USP34: variants seen among roughly 807,000 people sequenced by gnomAD.
USP34 encodes the protein ubiquitin carboxyl-terminal hydrolase 34.
USP34 carries 70 observed loss-of-function variants against 460.3 expected under a neutral mutation model. The ratio of observed to expected loss-of-function variants is 0.15; its 90% CI spans 0.13 to 0.19. The LOEUF (loss-of-function observed/expected upper bound fraction) is 0.19. USP34 is among the 10% of genes least tolerant of loss of function. USP34 has a pLI of 1.00. For missense variants in USP34, 3,985 were observed against 4,236.2 expected, an observed-to-expected ratio of 0.94 and a Z score of 1.65; for synonymous variants, 1,647 against 1,405.3, an observed-to-expected ratio of 1.17 and a Z score of -3.85.
chr2:61,241,590 G>A lies in USP34; in HGVS notation c.6747C>T (p.Tyr2249=). 6.2e-7 allele frequency: 1 copy of A among 1,610,072 alleles called. No homozygotes were observed. The highest frequency in any genetic ancestry group is 8.5e-7 in the Non-Finnish European group (1 of 1,178,772). Residue 2249 remains tyrosine (Y), a synonymous_variant, in exon 53 of 80, where the codon TAC becomes TAT. Coordinates refer to ENST00000398571, the MANE Select transcript of USP34 (RefSeq NM_014709.4). The part of the protein sequence containing the change: ...MEPEEENGRE[Y]KFDVSSELLE... ...GTAACTCTGACGAAACATCAAATTT[G>A]TATTCTCTGCCATTTTCTTCCTCTG...
chr2:61,259,671 C>A, intron 44 of USP34, 40 bp downstream of exon 44: 1 of 1,591,634 alleles, frequency 6.3e-7, no homozygotes, highest in Non-Finnish European at 8.6e-7. Context: ...CAGGCATGAG[C>A]CACAGTGCCT....
At chr2:61,253,525 A>C (rs182155068) in intron 48 of USP34, among the ~76,000 whole-genome samples, 2 of 152,292 alleles carry the variant, frequency 1.3e-5, no homozygotes, top group East Asian at 1.9e-4. Context: ...CAACTTGCCC[A>C]ACTACCCTTC....
intron 39 of USP34, among the ~76,000 whole-genome samples, chr2:61,278,723 T>C (rs1448683881): frequency 6.6e-6 from 1 of 152,046 alleles, no homozygotes; most frequent in Non-Finnish European, 1.5e-5. Flanking sequence ...ACATGGCACA[T>C]GTATACATAT....
intron 20 of USP34, among the ~76,000 whole-genome samples, chr2:61,326,758 A>G (rs979676461): frequency 4.0e-5 from 6 of 149,318 alleles, no homozygotes; most frequent in African/African-American, 1.5e-4. Context: ...ATAACCTAGC[A>G]TGCAGAAGGT....
intron 18 of USP34, among the ~76,000 whole-genome samples, chr2:61,338,662 G>C (rs992153692): frequency 1.3e-5 from 2 of 152,080 alleles, no homozygotes; most frequent in African/African-American, 4.8e-5. Flanking sequence ...AAGCAGTATA[G>C]GTCAAGGGAA....
At chr2:61,237,952 A>G (rs566681710) in intron 53 of USP34, among the ~76,000 whole-genome samples, 114 of 151,190 alleles carry the variant, frequency 7.5e-4, no homozygotes, top group African/African-American at 2.6e-3. Context: ...GCTGGAGTGC[A>G]ATGGCGCGAT....
chr2:61,288,808 C>A lies in USP34; in HGVS notation c.4618G>T (p.Asp1540Tyr). ...GCAAAGACATCATGATAAGCTAAAT[C>A]CAAATCGGATGGATCTACTGCAAAC... ...CQFAVDPSDL[D>Y]LAYHDVFAWS... The change falls in exon 34 of 80, where the codon GAT becomes TAT. Residue 1540 changes from aspartate to tyrosine, a missense_variant. This residue lies in a region of USP34 where 1,114 missense variants were observed against 1,122.5 expected (regional missense o/e 0.99). Transcript: ENST00000398571. 6.2e-7 allele frequency: 1 copy of A among 1,613,900 alleles called. No individual in the cohort carries two copies. The highest frequency in any genetic ancestry group is 1.1e-5 in the South Asian group (1 of 91,082).
intron 1 of USP34, among the ~76,000 whole-genome samples, chr2:61,456,897 G>C (rs191749237): frequency 6.6e-6 from 1 of 152,158 alleles, no homozygotes; most frequent in East Asian, 1.9e-4. Context: ...AGGATAGCTT[G>C]GCCCACCTGG....
intron 41 of USP34, among the ~76,000 whole-genome samples, chr2:61,268,643 G>A (rs751020577): frequency 2.7e-5 from 4 of 150,856 alleles, no homozygotes; most frequent in South Asian, 4.2e-4. Flanking sequence ...TAGATAATAG[G>A]GTAATTTTTG....
At chr2:61,399,982 C>T (rs1051213661) in intron 3 of USP34, among the ~76,000 whole-genome samples, 10 of 150,180 alleles carry the variant, frequency 6.7e-5, no homozygotes, top group Non-Finnish European at 1.5e-5. Flanking sequence ...TAAAGTCTTG[C>T]ATTTTTTTTC....
intron 16 of USP34, among the ~76,000 whole-genome samples, chr2:61,341,167 T>C (rs948854220): frequency 3.3e-5 from 5 of 152,230 alleles, no homozygotes; most frequent in Admixed American, 2.0e-4. Flanking sequence ...TGGATGTGTC[T>C]GTAGTTCTTT....
chr2:61,393,338 G>GA (rs2103897580), intron 5 of USP34, among the ~76,000 whole-genome samples: 1 of 151,582 alleles, frequency 6.6e-6, no homozygotes, highest in Non-Finnish European at 1.5e-5. Context: ...GGCTGAGGCA[G>GA]GAGAATCACT....
At chr2:61,397,940 G>A (rs568164990) in intron 3 of USP34, among the ~76,000 whole-genome samples, 57 of 152,070 alleles carry the variant, frequency 3.7e-4, no homozygotes, top group Non-Finnish European at 6.5e-4. Context: ...GATGGCACAC[G>A]CCTGTAATCC....
chr2:61,404,680 T>C (rs1309314578), intron 3 of USP34, among the ~76,000 whole-genome samples: 1 of 152,060 alleles, frequency 6.6e-6, no homozygotes, highest in African/African-American at 2.4e-5. Flanking sequence ...ACCTTACCCA[T>C]CCAGTTCTCA....
At position 61,395,236 on chromosome 2, in the gene USP34, A is replaced by G; in HGVS notation, c.553-3T>C. 1.4e-6 allele frequency: 2 copies of G among 1,448,546 alleles called. No individual in the cohort carries two copies. The highest frequency in any genetic ancestry group is 1.9e-6 in the Non-Finnish European group (2 of 1,051,384). 89.7% of individuals were successfully genotyped at this position (1,448,546 alleles called of 1,614,324 possible). A position where few individuals can be genotyped will look rare whatever the true frequency, so the allele number is the denominator to read the frequency against. Reference sequence around the variant, plus strand: ...TTACTTTCTTGAGTTGATATATCCTAATTAAAAAAAAAAAAGCAAGTAAAA... The same window carrying G: ...TTACTTTCTTGAGTTGATATATCCTGATTAAAAAAAAAAAAGCAAGTAAAA... On this transcript the variant is annotated splice_polypyrimidine_tract_variant and splice_region_variant and intron_variant, in intron 3 of 79. Transcript: ENST00000398571.
At chr2:61,397,021 T>C (rs1211576755) in intron 3 of USP34, among the ~76,000 whole-genome samples, 1 of 152,240 alleles carries the variant, frequency 6.6e-6, no homozygotes, top group East Asian at 1.9e-4. Context: ...AGAAAATTTA[T>C]GATCATGATC....
At chr2:61,194,172 G>GCCTAGGATC (rs1686725534) in intron 75 of USP34, 5 of 985,238 alleles carry the variant, frequency 5.1e-6, no homozygotes, top group African/African-American at 1.7e-5. Flanking sequence ...TACCAAGGAT[G>GCCTAGGATC]CCTAGGATCC....
chr2:61,391,470 C>T (rs1410445795), intron 5 of USP34, among the ~76,000 whole-genome samples: 1 of 152,242 alleles, frequency 6.6e-6, no homozygotes, highest in East Asian at 1.9e-4. Context: ...TAACGTTAGT[C>T]CGTATCTTTC....
intron 75 of USP34, among the ~76,000 whole-genome samples, chr2:61,196,704 T>G (rs1239128167): frequency 1.3e-5 from 2 of 152,196 alleles, no homozygotes; most frequent in Non-Finnish European, 1.5e-5. Flanking sequence ...AGCTGATTTT[T>G]CTATTTTTTG....
Sources: allele counts gnomAD v4.1 joint callset (sites outside exome capture counted in the v4.1 genomes callset), GRCh38; gene constraint gnomAD v4.1.1; regional missense constraint gnomAD v4.1.1; transcripts MANE v1.5; gene names NCBI Gene and HGNC (gene_info 2026-07-23, HGNC 2026-07-21).